The following TTC29 variants were observed in gnomAD, a reference collection of about 807,000 sequenced individuals.
The protein encoded by TTC29 is tetratricopeptide repeat domain 29.
A neutral mutation model predicts 58.1 loss-of-function variants in TTC29; 49 were observed. The observed-to-expected ratio is 0.84, with a 90% CI of 0.67 to 1.07. The LOEUF (loss-of-function observed/expected upper bound fraction) is 1.07. Ranked by LOEUF, TTC29 falls within the 50% of genes least tolerant of loss-of-function variation. The probability of loss-of-function intolerance (pLI) is 0.00; values close to 1 mark genes in which losing one functional copy is unlikely to be tolerated. For missense variants in TTC29, 582 were observed against 555.6 expected, an observed-to-expected ratio of 1.05 and a Z score of -0.48; for synonymous variants, 209 against 196.8, an observed-to-expected ratio of 1.06 and a Z score of -0.52.
At chr4:146,879,045 A>G (rs2080814976) in intron 6 of TTC29, among the ~76,000 whole-genome samples, 1 of 152,138 alleles carries the variant, frequency 6.6e-6, no homozygotes, top group Admixed American at 6.6e-5. Flanking sequence ...CCTACTACAC[A>G]GAAGCAGTTT....
intron 6 of TTC29, among the ~76,000 whole-genome samples, 174 bp from the exon 7 acceptor site, chr4:146,875,102 C>G (rs1338929901): frequency 3.3e-5 from 5 of 152,136 alleles, no homozygotes; most frequent in Non-Finnish European, 7.4e-5. Flanking sequence ...AATTGGACCT[C>G]AGTTTCAGCG....
At chr4:146,738,990 G>T (rs925296355) in intron 11 of TTC29, among the ~76,000 whole-genome samples, 1 of 151,684 alleles carries the variant, frequency 6.6e-6, no homozygotes, top group African/African-American at 2.4e-5. Flanking sequence ...ATAATAAACT[G>T]GTAAATGTAA....
intron 11 of TTC29, among the ~76,000 whole-genome samples, chr4:146,797,817 A>C (rs1361408384): frequency 7.5e-6 from 1 of 134,224 alleles, no homozygotes; most frequent in African/African-American, 2.9e-5. Flanking sequence ...ACAACTGGCC[A>C]CTGATTACTT....
chr4:146,890,762 A>G (rs1199141028), intron 6 of TTC29, among the ~76,000 whole-genome samples: 2 of 152,234 alleles, frequency 1.3e-5, no homozygotes, highest in African/African-American at 4.8e-5. Flanking sequence ...AGCTGTCACA[A>G]GACACTGGGT....
intron 8 of TTC29, among the ~76,000 whole-genome samples, chr4:146,842,811 A>T (rs1302027897): frequency 6.6e-6 from 1 of 151,282 alleles, no homozygotes; most frequent in Non-Finnish European, 1.5e-5. Context: ...AAAAAAGGGC[A>T]AAGATACAGA....
chr4:146,712,963 T>C (rs1441519681), intron 11 of TTC29, among the ~76,000 whole-genome samples: 5 of 152,024 alleles, frequency 3.3e-5, no homozygotes, highest in Non-Finnish European at 5.9e-5. Flanking sequence ...GGAATAGTAT[T>C]CTAACTCTCC....
chr4:146,819,354 A>T (rs573711190), intron 10 of TTC29, among the ~76,000 whole-genome samples: 2 of 152,226 alleles, frequency 1.3e-5, no homozygotes, highest in Admixed American at 1.3e-4. Flanking sequence ...ACATACACAG[A>T]CTCTGAAAGA....
intron 11 of TTC29, among the ~76,000 whole-genome samples, chr4:146,723,020 G>C (rs761166445): frequency 6.6e-6 from 1 of 152,060 alleles, no homozygotes; most frequent in Non-Finnish European, 1.5e-5. Flanking sequence ...TTAAATGCAG[G>C]CAGATCACCT....
chr4:146,809,973 T>C (rs988298621), intron 10 of TTC29, among the ~76,000 whole-genome samples: 1 of 152,122 alleles, frequency 6.6e-6, no homozygotes, highest in African/African-American at 2.4e-5. Context: ...CATATGTTTA[T>C]TGCAGCACTG....
At chr4:146,782,663 C>T (rs1408023838) in intron 11 of TTC29, among the ~76,000 whole-genome samples, 1 of 151,830 alleles carries the variant, frequency 6.6e-6, no homozygotes, top group African/African-American at 2.4e-5. Context: ...TAATCTATTC[C>T]ATGATGTAAA....
At chr4:146,808,245 T>G (rs556415000) in intron 10 of TTC29, among the ~76,000 whole-genome samples, 1 of 152,116 alleles carries the variant, frequency 6.6e-6, no homozygotes, top group Non-Finnish European at 1.5e-5. Flanking sequence ...TACCTCAAAA[T>G]AATAAGAGCT....
At chr4:146,742,633 T>TTCC (rs1167769797) in intron 11 of TTC29, among the ~76,000 whole-genome samples, 1 of 53,154 alleles carries the variant, frequency 1.9e-5, no homozygotes, top group Non-Finnish European at 4.0e-5. Flanking sequence ...CCTTCCTTCG[T>TTCC]TTCCTTCCTT....
At chr4:146,707,313 C>A in intron 12 of TTC29, 125 bp from the exon 13 acceptor site, 1 of 794,532 alleles carries the variant, frequency 1.3e-6, no homozygotes, top group South Asian at 2.2e-5. Context: ...AATACTTAAC[C>A]TTATGTGACA....
chr4:146,874,992 CA>C (rs1731167744), intron 6 of TTC29, 64 bp from the exon 7 acceptor site: 1 of 1,329,932 alleles, frequency 7.5e-7, no homozygotes, highest in Admixed American at 1.9e-5. Context: ...AGAAATTTTG[CA>C]TACGTTTTAG....
intron 4 of TTC29, among the ~76,000 whole-genome samples, chr4:146,933,216 A>G (rs937313317): frequency 6.6e-6 from 1 of 152,234 alleles, no homozygotes; most frequent in African/African-American, 2.4e-5. Flanking sequence ...ATGTTCGGAA[A>G]GAAAGTAATA....
At chr4:146,734,380 C>T (rs1397752757) in intron 11 of TTC29, among the ~76,000 whole-genome samples, 2 of 152,124 alleles carry the variant, frequency 1.3e-5, no homozygotes, top group Non-Finnish European at 2.9e-5. Flanking sequence ...TCACCCTATG[C>T]ATCTCTTCAT....
chr4:146,831,513 G>A (rs897141791), intron 9 of TTC29: 2 of 190,348 alleles, frequency 1.1e-5, no homozygotes, highest in Admixed American at 5.2e-5. Context: ...TGAGAGTGTT[G>A]GAACAGAATG....
At chr4:146,829,637 T>C (rs908303306) in intron 9 of TTC29, among the ~76,000 whole-genome samples, 1 of 152,196 alleles carries the variant, frequency 6.6e-6, no homozygotes, top group Non-Finnish European at 1.5e-5. Context: ...ATATGAAAAT[T>C]ACTAGGGCGT....
intron 11 of TTC29, among the ~76,000 whole-genome samples, chr4:146,792,338 C>T (rs957217928): frequency 6.6e-6 from 1 of 152,182 alleles, no homozygotes; most frequent in African/African-American, 2.4e-5. Context: ...GCTAAATCTA[C>T]CACACCTGTG....
Sources: gnomAD v4.1 joint callset for allele counts (sites outside exome capture counted in the v4.1 genomes callset) on GRCh38, gnomAD v4.1.1 for gene constraint, MANE v1.5 for transcripts, NCBI Gene and HGNC (gene_info 2026-07-23, HGNC 2026-07-21) for gene names.